PAK1: variants seen among roughly 807,000 people sequenced by gnomAD.
PAK1 encodes p21 (RAC1) activated kinase 1.
A neutral mutation model predicts 67.4 loss-of-function variants in PAK1; 29 were observed. The ratio of observed to expected loss-of-function variants is 0.43; its 90% CI spans 0.32 to 0.59. PAK1 has a LOEUF of 0.59. PAK1 is among the 20% of genes least tolerant of loss of function. The pLI, the probability that PAK1 is intolerant of heterozygous loss-of-function variation, is 0.07. For missense variants in PAK1, 337 were observed against 670.7 expected (o/e 0.50, Z 5.50); for synonymous variants, 223 against 237.4 (o/e 0.94, Z 0.56).
At chr11:77,396,776 T>C (rs1441752081) in intron 1 of PAK1, among the ~76,000 whole-genome samples, 2 of 151,760 alleles carry the variant, frequency 1.3e-5, no homozygotes, top group Non-Finnish European at 2.9e-5. Context: ...CACTTCCTTC[T>C]GAACTTGCTT....
chr11:77,416,700 T>C (rs1397690998), intron 1 of PAK1, among the ~76,000 whole-genome samples: 1 of 152,202 alleles, frequency 6.6e-6, no homozygotes, highest in Non-Finnish European at 1.5e-5. Context: ...ACGCCTGTAA[T>C]CCCAGCACTT....
chr11:77,382,457 T>G (rs1209657150), intron 2 of PAK1, among the ~76,000 whole-genome samples: 3 of 152,194 alleles, frequency 2.0e-5, no homozygotes, highest in Non-Finnish European at 4.4e-5. Flanking sequence ...TTTTAAAGAC[T>G]GGCTCAGGTC....
At chr11:77,368,897 C>T (rs1481173447) in intron 5 of PAK1, among the ~76,000 whole-genome samples, 1 of 152,174 alleles carries the variant, frequency 6.6e-6, no homozygotes, top group Non-Finnish European at 1.5e-5. Context: ...TCTTAATCAC[C>T]ATTAACCCCA....
chr11:77,398,788 C>A (rs961776002), intron 1 of PAK1, among the ~76,000 whole-genome samples: 4 of 152,246 alleles, frequency 2.6e-5, no homozygotes, highest in Non-Finnish European at 5.9e-5. Flanking sequence ...AAACTCTCTG[C>A]CAAAGGATTT....
intron 2 of PAK1, among the ~76,000 whole-genome samples, chr11:77,381,522 T>C (rs112117667): frequency 0.019 from 2,867 of 152,340 alleles, 86 homozygotes; most frequent in African/African-American, 0.064. Context: ...CATTCTATTT[T>C]ACCTCCCCTA....
At chr11:77,490,101 G>A in the PAK1 span, among the ~76,000 whole-genome samples, 24 of 149,528 alleles carry the variant, frequency 1.6e-4, no homozygotes, top group Admixed American at 1.1e-3. Flanking sequence ...CTGCCCGGCC[G>A]CGACCCCATC....
At chr11:77,507,925 T>C in the PAK1 span, among the ~76,000 whole-genome samples, 1 of 152,206 alleles carries the variant, frequency 6.6e-6, no homozygotes, top group Admixed American at 6.5e-5. Context: ...TTTTTGCATC[T>C]ATATGCATTT....
At chr11:77,353,993 T>C (rs1459766926) in intron 7 of PAK1, among the ~76,000 whole-genome samples, 3 of 151,832 alleles carry the variant, frequency 2.0e-5, no homozygotes, top group Non-Finnish European at 4.4e-5. Context: ...TAAAGTTCCA[T>C]GAAAATATAA....
At chr11:77,382,235 A>G (rs1179561720) in intron 2 of PAK1, among the ~76,000 whole-genome samples, 2 of 152,358 alleles carry the variant, frequency 1.3e-5, no homozygotes, top group East Asian at 3.9e-4. Flanking sequence ...AGCTCAAAGC[A>G]TGAGTGGTTT....
chr11:77,385,610 C>A (rs1950345346), intron 2 of PAK1, among the ~76,000 whole-genome samples: 1 of 152,218 alleles, frequency 6.6e-6, no homozygotes, highest in Admixed American at 6.5e-5. Flanking sequence ...AATCCCAGCA[C>A]TTTGGGCAGC....
intron 5 of PAK1, among the ~76,000 whole-genome samples, chr11:77,370,873 G>T (rs1948338206): frequency 6.6e-6 from 1 of 152,152 alleles, no homozygotes; most frequent in South Asian, 2.1e-4. Flanking sequence ...ACTTAAAATA[G>T]TCCCTCAGCT....
chr11:77,498,691 A>ATTT, the PAK1 span, among the ~76,000 whole-genome samples: 19,488 of 72,096 alleles, frequency 0.27, 5,876 homozygotes, highest in Middle Eastern at 0.37. Context: ...CTTGCTTGTA[A>ATTT]TTTTTTTTTT....
intron 1 of PAK1, among the ~76,000 whole-genome samples, chr11:77,429,744 G>A (rs1407087888): frequency 6.6e-6 from 1 of 152,212 alleles, no homozygotes; most frequent in Non-Finnish European, 1.5e-5. Context: ...ACGTGATTCT[G>A]AACTATATTC....
intron 1 of PAK1, among the ~76,000 whole-genome samples, chr11:77,416,793 A>G (rs566521782): frequency 2.0e-5 from 3 of 152,138 alleles, no homozygotes; most frequent in Non-Finnish European, 4.4e-5. Flanking sequence ...CTCTACTAAA[A>G]ATACAAAAAA....
At chr11:77,338,405 G>T (rs1231894555) in intron 11 of PAK1, among the ~76,000 whole-genome samples, 1 of 152,284 alleles carries the variant, frequency 6.6e-6, no homozygotes, top group African/African-American at 2.4e-5. Context: ...CCCTGAAAAT[G>T]TAAGAGCTGC....
chr11:77,336,313 C>G (rs189183289), intron 12 of PAK1, 31 bp from the exon 13 acceptor site: 1 of 1,540,038 alleles, frequency 6.5e-7, no homozygotes, highest in South Asian at 1.1e-5. Flanking sequence ...AAAGAACATA[C>G]ATTTAGGATA....
At chr11:77,432,986 A>C (rs1038536477) in intron 1 of PAK1, among the ~76,000 whole-genome samples, 1 of 152,240 alleles carries the variant, frequency 6.6e-6, no homozygotes, top group Admixed American at 6.5e-5. Flanking sequence ...GTATTGGCAT[A>C]AGAATAAAGA....
chr11:77,327,028 G>T lies in PAK1; in HGVS notation c.1552-3668C>A, dbSNP rs985995805. 2.6e-5 allele frequency among the ~76,000 whole-genome samples: 4 copies of T among 152,274 alleles called. No homozygotes were observed. In the South Asian group the frequency reaches 8.3e-4, roughly 32 times the overall value. On this transcript the variant is annotated intron_variant, in intron 14 of 14. Coordinates refer to ENST00000356341, the MANE Select transcript of PAK1 (RefSeq NM_002576.5). The stretch of plus-strand genomic sequence containing the variant: ...CCGATGCGATCAACTGGAAGAAAGG[G>T]TATCAGTGATGGAAGACGAAATGAA...
At chr11:77,441,992 T>A (rs1478336703) in intron 1 of PAK1, among the ~76,000 whole-genome samples, 1 of 152,100 alleles carries the variant, frequency 6.6e-6, no homozygotes, top group Non-Finnish European at 1.5e-5. Flanking sequence ...AAATTAATAG[T>A]AGAAAAATGA....
Sources: gnomAD v4.1 joint callset for allele counts (sites outside exome capture counted in the v4.1 genomes callset) on GRCh38, gnomAD v4.1.1 for gene constraint, MANE v1.5 for transcripts, NCBI Gene and HGNC (gene_info 2026-07-23, HGNC 2026-07-21) for gene names.